Variants in CTTNBP2 observed in about 807,000 individuals in gnomAD.
CTTNBP2 encodes cortactin binding protein 2.
CTTNBP2 carries 108 observed loss-of-function variants against 156.9 expected under a neutral mutation model. The ratio of observed to expected loss-of-function variants is 0.69; its 90% CI spans 0.59 to 0.81. The LOEUF (loss-of-function observed/expected upper bound fraction) is 0.81, where lower values mean the gene tolerates loss of function less well. Among genes scored for constraint, CTTNBP2 ranks in the 30% least tolerant of loss-of-function variants. CTTNBP2 has a pLI of 0.00. For missense variants in CTTNBP2, 1,924 were observed against 2,035.4 expected, an observed-to-expected ratio of 0.95 and a Z score of 1.05; for synonymous variants, 767 against 751.8, an observed-to-expected ratio of 1.02 and a Z score of -0.33.
chr7:117,760,636 A>T lies in CTTNBP2; in HGVS notation c.2971T>A (p.Cys991Ser). 1.2e-6 allele frequency: 2 copies of T among 1,613,960 alleles called. No individual in the cohort carries two copies. The highest frequency in any genetic ancestry group is 1.1e-5 in the South Asian group (1 of 91,080). ...PSNYGSDDLECENTICALNIR... is the reference protein window; with the variant it reads ...PSNYGSDDLESENTICALNIR... ...TTTAAAGCACATATTGTGTTTTCAC[A>T]TTCCAAGTCATCAGAACCATAGTTG... The change falls in exon 10 of 23, where the codon TGT (cysteine) becomes AGT (serine). Residue 991 changes from cysteine (C) to serine (S), a missense_variant. Transcript: ENST00000160373.
At chr7:117,863,341 T>G (rs1803899060) in intron 1 of CTTNBP2, among the ~76,000 whole-genome samples, 1 of 152,224 alleles carries the variant, frequency 6.6e-6, no homozygotes, top group Admixed American at 6.5e-5. Context: ...GAATCCATCC[T>G]TCAGAGATTT....
intron 16 of CTTNBP2, among the ~76,000 whole-genome samples, chr7:117,731,283 A>G (rs1795383790): frequency 6.6e-6 from 1 of 152,242 alleles, no homozygotes; most frequent in African/African-American, 2.4e-5. Context: ...ATACACAGAA[A>G]GATAAAGCTT....
At chr7:117,720,077 T>A (rs927923987) in intron 20 of CTTNBP2, among the ~76,000 whole-genome samples, 4 of 152,192 alleles carry the variant, frequency 2.6e-5, no homozygotes, top group Non-Finnish European at 4.4e-5. Flanking sequence ...ATAACCCTTA[T>A]GTGTACATCC....
At position 117,810,906 on chromosome 7, in the gene CTTNBP2, A is replaced by G; in HGVS notation, c.273T>C (p.Tyr91=). 6.2e-7 allele frequency: 1 copy of G among 1,614,158 alleles called. No individual in the cohort carries two copies. Among genetic ancestry groups the G allele is most frequent in the Non-Finnish European group, 8.5e-7 (1 of 1,180,016 alleles). ...NDPFLALQRD[Y]EAGAGDKEKK... ...TCTCTTTGTCACCAGCACCTGCTTCATAGTCTCTCTGGAGTGCCAGGAACG... is the reference window on the plus strand; with the variant it reads ...TCTCTTTGTCACCAGCACCTGCTTCGTAGTCTCTCTGGAGTGCCAGGAACG... Residue 91 remains tyrosine (Y), a synonymous_variant, in exon 3 of 23, where the codon TAT becomes TAC. Coordinates refer to ENST00000160373, the MANE Select transcript of CTTNBP2 (RefSeq NM_033427.3).
rs1584897754 is a variant in CTTNBP2, at chr7:117,724,373, A to G, written c.4447+174T>C. ...TATTTTTCAGGTAGAGATCTCCTGTATATTTTTGGAAATGTACCTACTATA... is the reference window on the plus strand; with the variant it reads ...TATTTTTCAGGTAGAGATCTCCTGTGTATTTTTGGAAATGTACCTACTATA... On this transcript the variant is annotated intron_variant, in intron 19 of 22. Coordinates refer to ENST00000160373, the MANE Select transcript of CTTNBP2 (RefSeq NM_033427.3). 4.6e-5 allele frequency among the ~76,000 whole-genome samples: 7 copies of G among 152,352 alleles called. No homozygotes were observed. The South Asian group carries it at 1.5e-3, about 32-fold the overall frequency.
rs140804526 is a variant in CTTNBP2, at chr7:117,856,535, G to A, written c.189+4674C>T. Among the ~76,000 whole-genome samples the A allele has an allele frequency of 2.3e-4, 35 of 152,234 alleles. No homozygotes were observed. In the East Asian group the frequency reaches 6.0e-3, roughly 26 times the overall value. Reference sequence around the variant, plus strand: ...ACTGATAGTTTCCTATGTTATTGGGGTCATAAATGCATTCTATCTGAAGAA... The same window carrying A: ...ACTGATAGTTTCCTATGTTATTGGGATCATAAATGCATTCTATCTGAAGAA... On this transcript the variant is annotated intron_variant, in intron 2 of 22. Coordinates refer to ENST00000160373, the MANE Select transcript of CTTNBP2 (RefSeq NM_033427.3).
In CTTNBP2 at chr7:117,750,462, T is replaced by TA. The variant is rs1198438464; in HGVS notation, c.3349-4364dup. ...TAAATAAATAACTGAATTAGGTAGG[T>TA]AAAGAGAAAAACAAATGTATATACT... On this transcript the variant is annotated intron_variant, in intron 12 of 22. Coordinates refer to ENST00000160373, the MANE Select transcript of CTTNBP2 (RefSeq NM_033427.3). 2.6e-5 allele frequency among the ~76,000 whole-genome samples: 4 copies of TA among 152,316 alleles called. No individual in the cohort carries two copies. In the East Asian group the frequency reaches 5.8e-4, roughly 22 times the overall value.
chr7:117,721,447 C>T (rs1019851918), intron 19 of CTTNBP2, among the ~76,000 whole-genome samples: 2 of 152,154 alleles, frequency 1.3e-5, no homozygotes, highest in Admixed American at 1.3e-4. Flanking sequence ...TTAGTCAAGT[C>T]CCTAGTTCCT....
chr7:117,748,291 A>C (rs1796445205), intron 12 of CTTNBP2, among the ~76,000 whole-genome samples: 1 of 152,212 alleles, frequency 6.6e-6, no homozygotes, highest in South Asian at 2.1e-4. Flanking sequence ...CTGCCCAGAT[A>C]TGTCTAGTTA....
chr7:117,774,977 C>T (rs936266956), intron 8 of CTTNBP2, among the ~76,000 whole-genome samples: 2 of 152,032 alleles, frequency 1.3e-5, no homozygotes, highest in African/African-American at 4.8e-5. Context: ...ACTATCTCAG[C>T]CAGAATATAA....
intron 17 of CTTNBP2, 113 bp from the exon 18 acceptor site, chr7:117,725,370 T>C (rs937094329): frequency 1.4e-5 from 13 of 909,650 alleles, no homozygotes; most frequent in Middle Eastern, 3.1e-4. Flanking sequence ...AGTGTTTCTA[T>C]AGATATGCTA....
intron 3 of CTTNBP2, among the ~76,000 whole-genome samples, chr7:117,799,084 T>C (rs1024438366): frequency 5.9e-5 from 9 of 151,836 alleles, no homozygotes; most frequent in African/African-American, 2.2e-4. Flanking sequence ...AAGGCTGTAC[T>C]GATGTTCTAG....
In CTTNBP2 at chr7:117,734,978, G is replaced by A. The variant is rs149557894; in HGVS notation, c.3811C>T (p.Arg1271Trp). The A allele has an allele frequency of 2.8e-4, 445 of 1,613,606 alleles. No homozygotes were observed. Among genetic ancestry groups the A allele is most frequent in the Non-Finnish European group, 3.6e-4 (430 of 1,179,716 alleles). ...CCTTGCATGGGCTCGCCATCCCACC[G>A]CAGCTGCACCCAGCGGAAATGCTGC... ...VQQHFRWVQLRWDGEPMQGLL... is the reference protein window; with the variant it reads ...VQQHFRWVQLWWDGEPMQGLL... The change falls in exon 16 of 23, where the codon CGG becomes TGG. Residue 1271 changes from arginine to tryptophan, a missense_variant. Coordinates refer to ENST00000160373, the MANE Select transcript of CTTNBP2 (RefSeq NM_033427.3).
intron 8 of CTTNBP2, among the ~76,000 whole-genome samples, chr7:117,772,647 T>C (rs2116731389): frequency 6.6e-6 from 1 of 152,306 alleles, no homozygotes; most frequent in East Asian, 1.9e-4. Context: ...CTGGAAAGTT[T>C]GTTCCCCTGG....
At chr7:117,722,545 A>G (rs982498176) in intron 19 of CTTNBP2, among the ~76,000 whole-genome samples, 2 of 152,210 alleles carry the variant, frequency 1.3e-5, no homozygotes, top group Admixed American at 6.5e-5. Context: ...TAAAAATACA[A>G]ATAATTTCAA....
At chr7:117,817,924 C>CA (rs1026608494) in intron 2 of CTTNBP2, among the ~76,000 whole-genome samples, 1 of 152,154 alleles carries the variant, frequency 6.6e-6, no homozygotes, top group African/African-American at 2.4e-5. Flanking sequence ...AGCTGATACT[C>CA]AACCCAGGCA....
At chr7:117,870,387 C>G (rs897642244) in intron 1 of CTTNBP2, among the ~76,000 whole-genome samples, 2 of 151,734 alleles carry the variant, frequency 1.3e-5, no homozygotes, top group African/African-American at 4.9e-5. Context: ...TACGAAAGTT[C>G]TTTTCAGTGC....
chr7:117,833,363 G>A (rs1801736785), intron 2 of CTTNBP2, among the ~76,000 whole-genome samples: 1 of 152,168 alleles, frequency 6.6e-6, no homozygotes, highest in Non-Finnish European at 1.5e-5. Context: ...CAATCTCTGA[G>A]AATAAAAACG....
rs1411162793 is a variant in CTTNBP2 at position 117,791,452 on chromosome 7, T to C, written c.1744A>G (p.Lys582Glu). The change falls in exon 4 of 23, where the codon AAA (lysine) becomes GAA (glutamate). Residue 582 changes from lysine (K) to glutamate (E), a missense_variant. Physicochemically the swap from Lys to Glu is moderately conservative, Grantham distance 56. Transcript: ENST00000160373. ...CTGGAAGGAGTCGAAGCCACAGTTTTGTTATCAACTTTGGCCCCTGTGTTC... is the reference window on the plus strand; with the variant it reads ...CTGGAAGGAGTCGAAGCCACAGTTTCGTTATCAACTTTGGCCCCTGTGTTC... ...ASNTGAKVDN[K>E]TVASTPSSLP... The C allele has an allele frequency of 7.4e-6, 12 of 1,614,232 alleles. No individual in the cohort carries two copies. Among genetic ancestry groups the C allele is most frequent in the Non-Finnish European group, 1.0e-5 (12 of 1,180,040 alleles).
Sources: allele counts gnomAD v4.1 joint callset (sites outside exome capture counted in the v4.1 genomes callset), GRCh38; gene constraint gnomAD v4.1.1; transcripts MANE v1.5; gene names NCBI Gene and HGNC (gene_info 2026-07-23, HGNC 2026-07-21).